ZNF473: variants seen among roughly 807,000 people sequenced by gnomAD.
ZNF473 encodes the protein zinc finger protein 473.
Under a neutral mutation model 11.1 loss-of-function variants are expected in ZNF473, and 4 were observed. That is an observed-to-expected ratio of 0.36 (90% CI 0.18 to 0.82). The LOEUF is 0.82. Ranked by LOEUF, ZNF473 falls within the 40% of genes least tolerant of loss-of-function variation. The pLI is 0.49. For synonymous variants in ZNF473, 404 were observed against 390.4 expected, an observed-to-expected ratio of 1.03 and a Z score of -0.41; for missense variants, 854 against 1,084.0, an observed-to-expected ratio of 0.79 and a Z score of 2.98.
intron 2 of ZNF473, among the ~76,000 whole-genome samples, chr19:50,038,533 T>C (rs759986463): frequency 2.6e-5 from 4 of 152,108 alleles, no homozygotes; most frequent in Admixed American, 6.6e-5. Flanking sequence ...ACTCAGAACA[T>C]GGGACCTCAA....
At chr19:50,040,134 G>A (rs1248115938) in intron 3 of ZNF473, among the ~76,000 whole-genome samples, 1 of 152,164 alleles carries the variant, frequency 6.6e-6, no homozygotes, top group Non-Finnish European at 1.5e-5. Flanking sequence ...TCATCCTGTA[G>A]TCAGACTCAT....
intron 1 of ZNF473, among the ~76,000 whole-genome samples, chr19:50,026,698 G>A (rs530643399): frequency 2.6e-5 from 4 of 152,088 alleles, no homozygotes; most frequent in South Asian, 2.1e-4. Context: ...AAAATTAGCC[G>A]GGCGTGGTGG....
chr19:50,029,235 C>T (rs564543767), intron 1 of ZNF473, among the ~76,000 whole-genome samples: 2 of 152,202 alleles, frequency 1.3e-5, no homozygotes, highest in Non-Finnish European at 1.5e-5. Flanking sequence ...CTCCACCTCC[C>T]GGGTTCACAC....
chr19:50,038,186 T>TTATAAA (rs1463981098), intron 2 of ZNF473, among the ~76,000 whole-genome samples: 9 of 138,874 alleles, frequency 6.5e-5, no homozygotes, highest in African/African-American at 2.7e-4. Context: ...ATTTTATAAA[T>TTATAAA]TTATAAATTT....
Position 50,045,809 on chromosome 19 carries a change from T to C in ZNF473, c.1366T>C (p.Tyr456His), listed in dbSNP as rs147808778. ...LNEHRRIHTG[Y>H]RPHKCQECVR... ...TGAACATCGGCGAATTCATACAGGC[T>C]ACAGACCCCACAAATGTCAGGAATG... Residue 456 changes from tyrosine to histidine, a missense_variant, in exon 5 of 5, where the codon TAC becomes CAC. This residue lies in a region of ZNF473 where 668 missense variants were observed against 790.2 expected (regional missense o/e 0.85). Coordinates refer to ENST00000270617, the MANE Select transcript of ZNF473 (RefSeq NM_015428.4). The C allele has an allele frequency of 1.9e-6, 3 of 1,613,942 alleles. No homozygotes were observed. In the African/African-American group the frequency reaches 4.0e-5, roughly 22 times the overall value.
intron 3 of ZNF473, among the ~76,000 whole-genome samples, chr19:50,040,377 T>G (rs369891476): frequency 6.6e-6 from 1 of 152,192 alleles, no homozygotes; most frequent in African/African-American, 2.4e-5. Flanking sequence ...TGGGGGCTGG[T>G]CATGTGGGCT....
At chr19:50,037,350 A>G (rs1381669711) in intron 2 of ZNF473, among the ~76,000 whole-genome samples, 1 of 152,192 alleles carries the variant, frequency 6.6e-6, no homozygotes, top group African/African-American at 2.4e-5. Flanking sequence ...GCCATACCTC[A>G]GACCCAAACT....
chr19:50,033,718 C>T (rs1432285431), intron 2 of ZNF473, among the ~76,000 whole-genome samples: 1 of 152,102 alleles, frequency 6.6e-6, no homozygotes, highest in Non-Finnish European at 1.5e-5. Context: ...TTCTGGAGGC[C>T]CTAGGGAAGA....
chr19:50,028,565 G>A (rs1036870003), intron 1 of ZNF473, among the ~76,000 whole-genome samples: 2 of 151,388 alleles, frequency 1.3e-5, no homozygotes, highest in South Asian at 4.2e-4. Context: ...GGCTGGTCTC[G>A]AACACCTTTC....
rs914430342 is a variant in ZNF473 at position 50,048,030 on chromosome 19, A to G, written c.*971A>G. On this transcript the variant is annotated 3_prime_UTR_variant, in exon 5 of 5. Coordinates refer to ENST00000270617, the MANE Select transcript of ZNF473 (RefSeq NM_015428.4). ...ATCCAGGATGGCCGCTCACCAGGCAATTTGCTAGGCTCGGGGGCGGGTAGT... is the reference window on the plus strand; with the variant it reads ...ATCCAGGATGGCCGCTCACCAGGCAGTTTGCTAGGCTCGGGGGCGGGTAGT... 3.3e-5 allele frequency: 5 copies of G among 152,240 alleles called. No individual in the cohort carries two copies. The highest frequency in any genetic ancestry group is 1.9e-4 in the East Asian group (1 of 5,208). The allele number at this position is 152,240 out of a possible 1,614,324, so 9.4% of individuals were successfully genotyped here.
At chr19:50,041,559 A>C (rs914550247) in intron 3 of ZNF473, 171 bp from the exon 4 acceptor site, 9 of 455,754 alleles carry the variant, frequency 2.0e-5, no homozygotes, top group African/African-American at 6.2e-5. Flanking sequence ...TGGACTGGGA[A>C]CCCTACAGGA....
At chr19:50,033,825 CT>C (rs2077331149) in intron 2 of ZNF473, among the ~76,000 whole-genome samples, 1 of 152,192 alleles carries the variant, frequency 6.6e-6, no homozygotes, top group South Asian at 2.1e-4. Flanking sequence ...GGCATCACCT[CT>C]TTTCTCCTGT....
rs1477815013 is a variant in ZNF473 at position 50,045,190 on chromosome 19, T to C, written c.747T>C (p.Asn249=). ...HQECEQGFDR[N]ASLSVYPKTH... ...AGTGTGAGCAAGGTTTTGACCGGAA[T>C]GCTTCCCTTTCTGTGTATCCGAAAA... The change falls in exon 5 of 5, where the codon AAT becomes AAC. Residue 249 remains asparagine, a synonymous_variant. Coordinates refer to ENST00000270617, the MANE Select transcript of ZNF473 (RefSeq NM_015428.4). 6.2e-7 allele frequency: 1 copy of C among 1,614,090 alleles called. No individual in the cohort carries two copies. Among genetic ancestry groups the C allele is most frequent in the Non-Finnish European group, 8.5e-7 (1 of 1,180,044 alleles).
intron 1 of ZNF473, among the ~76,000 whole-genome samples, chr19:50,027,681 T>G (rs1183744061): frequency 2.6e-5 from 4 of 151,720 alleles, no homozygotes; most frequent in African/African-American, 9.7e-5. Flanking sequence ...TGGGGAGCAC[T>G]TGCCTCATCT....
intron 2 of ZNF473, among the ~76,000 whole-genome samples, chr19:50,032,094 C>A (rs1251815975): frequency 2.0e-5 from 3 of 150,780 alleles, no homozygotes; most frequent in Non-Finnish European, 4.4e-5. Flanking sequence ...AAATGATTGC[C>A]AAATATGTGC....
chr19:50,046,012 C>T lies in ZNF473; in HGVS notation c.1569C>T (p.Arg523=). The T allele has an allele frequency of 6.2e-7, 1 of 1,614,198 alleles. No homozygotes were observed. The highest frequency in any genetic ancestry group is 1.3e-5 in the African/African-American group (1 of 75,054). The change falls in exon 5 of 5, where the codon CGC becomes CGT. Residue 523 remains arginine, a synonymous_variant. Coordinates refer to ENST00000270617, the MANE Select transcript of ZNF473 (RefSeq NM_015428.4). This position sits in a 1 kb window ranked among gnomAD's most constrained non-coding sequence, Gnocchi z 5.9. ...TPYECQECGE[R]FICGSTLKCH... ...ATGAATGTCAGGAGTGCGGAGAACG[C>T]TTCATTTGCGGCTCAACCCTGAAGT...
rs142449458 is a variant in ZNF473 at position 50,045,945 on chromosome 19, G to A, written c.1502G>A (p.Arg501His). Reference protein sequence around the residue: ...ECKETFSDNNRLVQHQKMHTV... With the variant: ...ECKETFSDNNHLVQHQKMHTV... ...AAGGAGACTTTCAGCGATAACAATC[G>A]CCTTGTGCAACACCAGAAAATGCAC... is the stretch of plus-strand genomic sequence containing the variant. Residue 501 changes from arginine (R) to histidine (H), a missense_variant, in exon 5 of 5, where the codon CGC becomes CAC. Transcript: ENST00000270617. 11 of 1,614,082 alleles carry A rather than the reference G, an allele frequency of 6.8e-6. No individual in the cohort carries two copies. The highest frequency in any genetic ancestry group is 4.5e-5 in the East Asian group (2 of 44,882).
Position 50,045,480 on chromosome 19 carries a change from G to A in ZNF473, c.1037G>A (p.Arg346His), listed in dbSNP as rs891425046. The A allele has an allele frequency of 1.1e-5, 17 of 1,613,992 alleles. No homozygotes were observed. Among genetic ancestry groups the A allele is most frequent in the African/African-American group, 2.7e-5 (2 of 74,888 alleles). Residue 346 changes from arginine to histidine, a missense_variant, in exon 5 of 5, where the codon CGC becomes CAC. Arg to His is a conservative substitution (Grantham distance 29). Transcript: ENST00000270617. ...TRHQKIHTRKRYECSKCQATF... is the reference protein window; with the variant it reads ...TRHQKIHTRKHYECSKCQATF... ...CACCAGAAGATCCACACTCGGAAACGCTATGAGTGTTCCAAGTGCCAGGCG... is the reference window on the plus strand; with the variant it reads ...CACCAGAAGATCCACACTCGGAAACACTATGAGTGTTCCAAGTGCCAGGCG...
chr19:50,037,352 AC>A (rs892707922), intron 2 of ZNF473, among the ~76,000 whole-genome samples: 8 of 152,138 alleles, frequency 5.3e-5, no homozygotes, highest in African/African-American at 1.9e-4. Flanking sequence ...CATACCTCAG[AC>A]CCAAACTAAA....
Sources: allele counts gnomAD v4.1 joint callset (sites outside exome capture counted in the v4.1 genomes callset), GRCh38; gene constraint gnomAD v4.1.1; regional missense constraint gnomAD v4.1.1; non-coding constraint Gnocchi (gnomAD v3.1); transcripts MANE v1.5; gene names NCBI Gene and HGNC (gene_info 2026-07-23, HGNC 2026-07-21).